QTMAN: variants seen among roughly 807,000 people sequenced by gnomAD.
The protein encoded by QTMAN is queuosine-tRNA mannosyltransferase.
the QTMAN span, among the ~76,000 whole-genome samples, chr2:144,064,395 T>C: frequency 6.6e-6 from 1 of 152,190 alleles, no homozygotes; most frequent in African/African-American, 2.4e-5. Flanking sequence ...CAAATTATTA[T>C]TGTGTCTTAA....
chr2:143,986,074 G>A, the QTMAN span, among the ~76,000 whole-genome samples: 1 of 152,088 alleles, frequency 6.6e-6, no homozygotes, highest in African/African-American at 2.4e-5. Flanking sequence ...ACCAACTAGA[G>A]GTTTTAAGGG....
At chr2:144,201,601 G>A in the QTMAN span, among the ~76,000 whole-genome samples, 1 of 152,180 alleles carries the variant, frequency 6.6e-6, no homozygotes, top group African/African-American at 2.4e-5. Context: ...TTCACTAAGT[G>A]CTTGCTGTGT....
chr2:144,319,719 CCAGA>C, the QTMAN span: 1 of 152,068 alleles, frequency 6.6e-6, no homozygotes, highest in African/African-American at 2.4e-5. Context: ...GGCGGCTCAC[CCAGA>C]CAATTTCAGT....
the QTMAN span, among the ~76,000 whole-genome samples, chr2:144,273,207 C>G: frequency 6.7e-6 from 1 of 149,688 alleles, no homozygotes; most frequent in Non-Finnish European, 1.5e-5. Context: ...TAACAAAAAG[C>G]TAAAAAAAAA....
At chr2:144,011,708 C>A in the QTMAN span, 3 of 983,700 alleles carry the variant, frequency 3.0e-6, no homozygotes, top group Non-Finnish European at 3.6e-6. Flanking sequence ...TAGAACTGGA[C>A]AGAATGTTTG....
the QTMAN span, among the ~76,000 whole-genome samples, chr2:143,983,302 G>A: frequency 2.6e-5 from 4 of 151,932 alleles, no homozygotes; most frequent in Non-Finnish European, 5.9e-5. Flanking sequence ...ATAAAGAAAG[G>A]CTGTTATTAT....
chr2:144,027,999 C>T, the QTMAN span, among the ~76,000 whole-genome samples: 5 of 152,086 alleles, frequency 3.3e-5, no homozygotes, highest in Non-Finnish European at 5.9e-5. Context: ...CTCCTTCGAC[C>T]ACTTCTAACA....
the QTMAN span, among the ~76,000 whole-genome samples, chr2:144,076,019 C>T: frequency 3.3e-5 from 5 of 152,152 alleles, no homozygotes; most frequent in South Asian, 2.1e-4. Context: ...GAGGATGAGG[C>T]GGGTGGATCA....
chr2:144,042,633 G>A, the QTMAN span, among the ~76,000 whole-genome samples: 1 of 151,732 alleles, frequency 6.6e-6, no homozygotes, highest in African/African-American at 2.4e-5. Context: ...GGTGGTACAC[G>A]CCTGTAATCA....
chr2:144,014,793 T>C, the QTMAN span, among the ~76,000 whole-genome samples: 1 of 152,222 alleles, frequency 6.6e-6, no homozygotes, highest in South Asian at 2.1e-4. Flanking sequence ...AAGGAAAAGA[T>C]GGTTCTATTT....
At chr2:144,117,626 C>T in the QTMAN span, among the ~76,000 whole-genome samples, 6 of 152,082 alleles carry the variant, frequency 3.9e-5, no homozygotes, top group Non-Finnish European at 8.8e-5. Flanking sequence ...GTCTTGTTTG[C>T]CTTATGATAA....
At chr2:144,253,862 T>G in the QTMAN span, among the ~76,000 whole-genome samples, 1 of 152,092 alleles carries the variant, frequency 6.6e-6, no homozygotes, top group Non-Finnish European at 1.5e-5. Flanking sequence ...GGGGAAAATG[T>G]CTCCAGGGCA....
At chr2:143,954,401 G>C in the QTMAN span, among the ~76,000 whole-genome samples, 1 of 152,116 alleles carries the variant, frequency 6.6e-6, no homozygotes, top group East Asian at 1.9e-4. Context: ...ATTTGAATTA[G>C]AGTATTCTGT....
At chr2:144,179,541 T>C in the QTMAN span, among the ~76,000 whole-genome samples, 1 of 152,130 alleles carries the variant, frequency 6.6e-6, no homozygotes, top group Non-Finnish European at 1.5e-5. Flanking sequence ...TAGCCAATAG[T>C]AGAAACATGA....
the QTMAN span, chr2:143,939,271 C>T: frequency 6.6e-6 from 1 of 152,172 alleles, no homozygotes; most frequent in Non-Finnish European, 1.5e-5. Context: ...GTTGTTAATT[C>T]ATGTTCTTAC....
chr2:144,214,000 C>G, the QTMAN span, among the ~76,000 whole-genome samples: 1 of 152,092 alleles, frequency 6.6e-6, no homozygotes, highest in Non-Finnish European at 1.5e-5. Context: ...TATTACCTTC[C>G]AGCCCACTCA....
chr2:143,961,128 G>C, the QTMAN span, among the ~76,000 whole-genome samples: 1 of 152,084 alleles, frequency 6.6e-6, no homozygotes, highest in East Asian at 1.9e-4. Flanking sequence ...TATATCTGAT[G>C]GTTTCCATTT....
chr2:144,064,316 A>C, the QTMAN span, among the ~76,000 whole-genome samples: 3 of 152,242 alleles, frequency 2.0e-5, no homozygotes, highest in East Asian at 5.8e-4. Context: ...TGAGAAGCTC[A>C]GGGGCTGTGG....
At chr2:144,164,741 T>G in the QTMAN span, among the ~76,000 whole-genome samples, 2 of 152,294 alleles carry the variant, frequency 1.3e-5, no homozygotes, top group South Asian at 2.1e-4. Context: ...GGTTAAATTT[T>G]GGGTTGTTGG....
Sources: gnomAD v4.1 joint callset for allele counts (sites outside exome capture counted in the v4.1 genomes callset) on GRCh38, gnomAD v4.1.1 for gene constraint, MANE v1.5 for transcripts, NCBI Gene and HGNC (gene_info 2026-07-23, HGNC 2026-07-21) for gene names.